COL4A4: variants seen among roughly 807,000 people sequenced by gnomAD.
COL4A4 encodes collagen type IV alpha 4 chain.
A neutral mutation model predicts 192.9 loss-of-function variants in COL4A4; 105 were observed. The observed-to-expected ratio is 0.54, with a 90% confidence interval of 0.46 to 0.64. The LOEUF (loss-of-function observed/expected upper bound fraction) is 0.64. Among genes scored for constraint, COL4A4 ranks in the 30% least tolerant of loss-of-function variants. The pLI is 0.00. For missense variants in COL4A4, 1,967 were observed against 2,169.3 expected, an observed-to-expected ratio of 0.91 and a Z score of 1.85; for synonymous variants, 762 against 769.9, an observed-to-expected ratio of 0.99 and a Z score of 0.17.
the COL4A4 span, among the ~76,000 whole-genome samples, chr2:226,977,126 G>T: frequency 6.6e-6 from 1 of 152,142 alleles, no homozygotes; most frequent in South Asian, 2.1e-4. Context: ...ATTTGTTTCT[G>T]TGCCTTTGTT....
At chr2:226,981,407 T>A in the COL4A4 span, among the ~76,000 whole-genome samples, 3 of 151,660 alleles carry the variant, frequency 2.0e-5, no homozygotes, top group East Asian at 1.9e-4. Flanking sequence ...CTTCAAAAAA[T>A]TTTTTAAAAA....
chr2:227,070,513 T>G (rs2058650495), intron 25 of COL4A4, among the ~76,000 whole-genome samples: 2 of 151,932 alleles, frequency 1.3e-5, no homozygotes, highest in Admixed American at 6.6e-5. Flanking sequence ...ATGTGGCACA[T>G]ATACACCATG....
the COL4A4 span, among the ~76,000 whole-genome samples, chr2:226,994,553 A>G: frequency 6.6e-6 from 1 of 152,342 alleles, no homozygotes; most frequent in Admixed American, 6.5e-5. Context: ...GAGCTATAGT[A>G]GTGAAAAGGT....
At chr2:227,008,910 A>C (rs1962831202) in intron 46 of COL4A4, among the ~76,000 whole-genome samples, 2 of 152,190 alleles carry the variant, frequency 1.3e-5, no homozygotes, top group Admixed American at 1.3e-4. Context: ...GGCCTTTGTC[A>C]ATCTCGTTAA....
the COL4A4 span, among the ~76,000 whole-genome samples, chr2:226,984,931 G>C: frequency 2.0e-5 from 3 of 151,520 alleles, no homozygotes; most frequent in East Asian, 5.8e-4. Flanking sequence ...GGGTTGGGGT[G>C]GGGGAGGGGG....
chr2:226,988,477 A>G, the COL4A4 span: 4 of 1,544,610 alleles, frequency 2.6e-6, no homozygotes, highest in African/African-American at 2.7e-5. Flanking sequence ...GGGTCCCTGT[A>G]GTGGAGTTGA....
At chr2:226,978,335 TG>T in the COL4A4 span, among the ~76,000 whole-genome samples, 30 of 152,332 alleles carry the variant, frequency 2.0e-4, no homozygotes, top group African/African-American at 7.0e-4. Context: ...TCTAATTTTT[TG>T]CCAAGCCACT....
At chr2:226,988,582 A>G in the COL4A4 span, 1 of 1,382,818 alleles carries the variant, frequency 7.2e-7, no homozygotes, top group Non-Finnish European at 9.4e-7. Flanking sequence ...CATCAGAAAC[A>G]TCAGAAGAGG....
intron 14 of COL4A4, 93 bp from the exon 15 acceptor site, chr2:227,102,941 T>G (rs1394963478): frequency 2.0e-5 from 24 of 1,197,184 alleles, no homozygotes; most frequent in Non-Finnish European, 2.7e-5. Context: ...AAAAACAAAA[T>G]GAGAAACAAA....
rs1353346845 is a variant in COL4A4, at chr2:227,022,075, G to A, written c.4189C>T (p.Pro1397Ser). 6.2e-7 allele frequency: 1 copy of A among 1,614,046 alleles called. No homozygotes were observed. Among genetic ancestry groups the A allele is most frequent in the African/African-American group, 1.3e-5 (1 of 75,028 alleles). The change falls in exon 44 of 48, where the codon CCT becomes TCT. Residue 1397 changes from proline (P) to serine (S), a missense_variant. Pro to Ser is a moderately conservative substitution (Grantham distance 74). Coordinates refer to ENST00000396625, the MANE Select transcript of COL4A4 (RefSeq NM_000092.5). ...MRGPEGAMGL[P>S]GMRGPSGPGC... ...GGTCCTGAGGGGCCTCTCATTCCAGGGAGCCCCATGGCTCCTTCTGGTCCT... is the reference window on the plus strand; with the variant it reads ...GGTCCTGAGGGGCCTCTCATTCCAGAGAGCCCCATGGCTCCTTCTGGTCCT...
At chr2:227,109,136 G>T in intron 10 of COL4A4, 88 bp downstream of exon 10, 1 of 1,258,674 alleles carries the variant, frequency 7.9e-7, no homozygotes, top group Non-Finnish European at 1.2e-6. Context: ...CGGCCCACCT[G>T]TGTCTGACCC....
chr2:227,041,838 A>AAGAGAG (rs752857780), intron 37 of COL4A4, among the ~76,000 whole-genome samples: 2 of 41,568 alleles, frequency 4.8e-5, no homozygotes, highest in Non-Finnish European at 8.9e-5. Flanking sequence ...GAAAGAAAGA[A>AAGAGAG]AGAAAGAAAG....
intron 36 of COL4A4, among the ~76,000 whole-genome samples, chr2:227,042,633 T>A (rs1474735748): frequency 6.6e-6 from 1 of 152,106 alleles, no homozygotes; most frequent in Admixed American, 6.5e-5. Flanking sequence ...AAGGAGCTGC[T>A]ATCTGGGCCA....
At chr2:227,001,494 A>AAAAC (rs1169290613), downstream of COL4A4, among the ~76,000 whole-genome samples, 1 of 152,192 alleles carries the variant, frequency 6.6e-6, no homozygotes, top group South Asian at 2.1e-4. Flanking sequence ...TAGAACCCGT[A>AAAAC]AAACAAGGGG....
At chr2:227,122,099 C>T (rs1159348119) in intron 4 of COL4A4, among the ~76,000 whole-genome samples, 3 of 152,224 alleles carry the variant, frequency 2.0e-5, no homozygotes, top group African/African-American at 7.2e-5. Context: ...AAGGCCACCT[C>T]TTGTTTTAAG....
chr2:227,032,523 A>T (rs1395891817), intron 38 of COL4A4, among the ~76,000 whole-genome samples: 2 of 152,220 alleles, frequency 1.3e-5, no homozygotes, highest in Admixed American at 6.5e-5. Context: ...ACTTAGAGGC[A>T]ATACCAACCT....
chr2:226,999,690 G>A (rs1467187001), downstream of COL4A4, among the ~76,000 whole-genome samples: 1 of 152,144 alleles, frequency 6.6e-6, no homozygotes, highest in Admixed American at 6.5e-5. Flanking sequence ...GTCATAATAG[G>A]TATTGCTGCT....
intron 12 of COL4A4, among the ~76,000 whole-genome samples, chr2:227,107,912 C>T (rs1338856056): frequency 6.6e-6 from 1 of 152,006 alleles, no homozygotes; most frequent in Non-Finnish European, 1.5e-5. Flanking sequence ...CACGCACCAC[C>T]ACGCCCAGCT....
chr2:227,013,261 A>G (rs190111091), intron 44 of COL4A4, among the ~76,000 whole-genome samples: 14 of 152,000 alleles, frequency 9.2e-5, no homozygotes, highest in African/African-American at 3.1e-4. Flanking sequence ...CTTGTTTTCT[A>G]TTCTCTTTCT....
Sources: gnomAD v4.1 joint callset for allele counts (sites outside exome capture counted in the v4.1 genomes callset) on GRCh38, gnomAD v4.1.1 for gene constraint, MANE v1.5 for transcripts, NCBI Gene and HGNC (gene_info 2026-07-23, HGNC 2026-07-21) for gene names.